METTL4: variants seen among roughly 807,000 people sequenced by gnomAD.
METTL4 encodes N(6)-adenine-specific methyltransferase METTL4.
In METTL4, 40 loss-of-function variants were observed where a neutral mutation model predicts 54.0. That is an observed-to-expected ratio of 0.74 (90% CI 0.58 to 0.96). METTL4 has a LOEUF of 0.96. METTL4 is among the 50% of genes least tolerant of loss of function. The pLI is 0.00. For synonymous variants in METTL4, 169 were observed against 183.8 expected (o/e 0.92, Z 0.65); for missense variants, 525 against 549.0 (o/e 0.96, Z 0.44).
At chr18:2,543,445 A>T (rs2072024108) in intron 8 of METTL4, among the ~76,000 whole-genome samples, 1 of 152,196 alleles carries the variant, frequency 6.6e-6, no homozygotes, top group South Asian at 2.1e-4. Context: ...GACTTGAAAA[A>T]TTTAGCATTC....
rs185084787 is a variant in METTL4, at chr18:2,549,423, G to A, written c.900-1894C>T. Among the ~76,000 whole-genome samples the A allele has an allele frequency of 1.9e-3, 284 of 152,240 alleles. 2 individuals are homozygous for A. The highest frequency in any genetic ancestry group is 6.6e-3 in the African/African-American group (274 of 41,532). On this transcript the variant is annotated intron_variant, in intron 5 of 8. Coordinates refer to ENST00000574538, the MANE Select transcript of METTL4 (RefSeq NM_022840.5). ...AGGAGAGGAAAAGGTGTGGAGGGGA[G>A]GAGAGGAGAAAGAAGAGGACAGAGA...
chr18:2,554,534 G>T, intron 4 of METTL4, 135 bp downstream of exon 4: 1 of 762,380 alleles, frequency 1.3e-6, no homozygotes, highest in Non-Finnish European at 2.1e-6. Context: ...AAACCTAAGA[G>T]ACAAATAACC....
chr18:2,564,168 C>A lies in METTL4; in HGVS notation c.397-309G>T, dbSNP rs143725886. Among the ~76,000 whole-genome samples the A allele has an allele frequency of 9.3e-3, 1,413 of 152,078 alleles. 28 individuals are homozygous for A. The highest frequency in any genetic ancestry group is 0.032 in the African/African-American group (1,333 of 41,494). On this transcript the variant is annotated intron_variant, in intron 2 of 8. Coordinates refer to ENST00000574538, the MANE Select transcript of METTL4 (RefSeq NM_022840.5). ...CCTGTAATCCCAGCACTTTGGGAGGCCAAGGCGGGAGGATCACGAGGTCAG... is the reference window on the plus strand; with the variant it reads ...CCTGTAATCCCAGCACTTTGGGAGGACAAGGCGGGAGGATCACGAGGTCAG...
chr18:2,559,513 CTGAA>C (rs1187809784), intron 3 of METTL4, among the ~76,000 whole-genome samples: 1 of 152,032 alleles, frequency 6.6e-6, no homozygotes, highest in Non-Finnish European at 1.5e-5. Context: ...GCATGACACT[CTGAA>C]TGTACTTAGT....
At chr18:2,550,833 C>T (rs2072143028) in intron 5 of METTL4, among the ~76,000 whole-genome samples, 1 of 152,118 alleles carries the variant, frequency 6.6e-6, no homozygotes. Flanking sequence ...TCAGTGTAGC[C>T]TGAATAATGT....
intron 4 of METTL4, chr18:2,554,411 G>A (rs976427000): frequency 1.9e-5 from 7 of 359,664 alleles, no homozygotes; most frequent in African/African-American, 6.5e-5. Context: ...ACTGCATACC[G>A]AATTCCTAAG....
At position 2,555,955 on chromosome 18, in the gene METTL4, G is replaced by A. The variant is rs544686647; in HGVS notation, c.460-917C>T. On this transcript the variant is annotated intron_variant, in intron 3 of 8. Coordinates refer to ENST00000574538, the MANE Select transcript of METTL4 (RefSeq NM_022840.5). ...CTTACTGCCTTCAGAAAGTTCCCAG[G>A]CACAGGGAAGACACATGCAGAGTCC... Among the ~76,000 whole-genome samples the A allele has an allele frequency of 6.3e-4, 96 of 152,210 alleles. 1 individual carries two copies. The highest frequency in any genetic ancestry group is 5.6e-3 in the South Asian group (27 of 4,820).
chr18:2,547,590 G>C, intron 5 of METTL4, 61 bp from the exon 6 acceptor site: 1 of 1,328,270 alleles, frequency 7.5e-7, no homozygotes, highest in Non-Finnish European at 1.0e-6. Flanking sequence ...AACTAAGCAG[G>C]GATAAGACAT....
intron 8 of METTL4, among the ~76,000 whole-genome samples, chr18:2,542,280 T>C (rs1041122128): frequency 1.3e-5 from 2 of 151,846 alleles, no homozygotes; most frequent in Admixed American, 6.6e-5. Context: ...TATGTATACA[T>C]GTGCCATGCT....
At chr18:2,559,963 C>A (rs1484704061) in intron 3 of METTL4, among the ~76,000 whole-genome samples, 1 of 152,116 alleles carries the variant, frequency 6.6e-6, no homozygotes, top group African/African-American at 2.4e-5. Flanking sequence ...GTCTCCAATT[C>A]CTAACATCAA....
chr18:2,547,001 G>A (rs578240655), intron 6 of METTL4, among the ~76,000 whole-genome samples: 4 of 152,220 alleles, frequency 2.6e-5, no homozygotes, highest in African/African-American at 9.6e-5. Context: ...TATATAAAGG[G>A]AAGAAGATGA....
chr18:2,539,189 G>A lies in METTL4; in HGVS notation c.1274-44C>T, dbSNP rs578188011. 4.1e-6 allele frequency: 6 copies of A among 1,480,816 alleles called. 1 individual carries two copies. The highest frequency in any genetic ancestry group is 2.3e-5 in the South Asian group (2 of 86,040). The allele number at this position is 1,480,816 out of a possible 1,614,324, so 91.7% of individuals were successfully genotyped here. Reference sequence around the variant, plus strand: ...AAACACAAAAATTATTATTGAGGAAGGAATCCACTTCCTTTTAGCAGTTAA... The same window carrying A: ...AAACACAAAAATTATTATTGAGGAAAGAATCCACTTCCTTTTAGCAGTTAA... On this transcript the variant is annotated intron_variant, in intron 8 of 8. Coordinates refer to ENST00000574538, the MANE Select transcript of METTL4 (RefSeq NM_022840.5).
intron 8 of METTL4, chr18:2,540,408 T>G (rs2071977689): frequency 6.1e-6 from 6 of 982,044 alleles, no homozygotes; most frequent in Non-Finnish European, 7.3e-6. Flanking sequence ...TCTTTAGGAA[T>G]ACTAGAGACA....
At chr18:2,548,260 T>C (rs1227355245) in intron 5 of METTL4, among the ~76,000 whole-genome samples, 1 of 152,136 alleles carries the variant, frequency 6.6e-6, no homozygotes, top group Non-Finnish European at 1.5e-5. Flanking sequence ...TGCTCTACAA[T>C]ACTCAATCAA....
At chr18:2,540,389 G>C (rs1411333442) in intron 8 of METTL4, 2 of 979,736 alleles carry the variant, frequency 2.0e-6, no homozygotes, top group Non-Finnish European at 2.4e-6. Flanking sequence ...ATTTAGGAAT[G>C]ATAAGGGTTC....
chr18:2,539,168 A>C, intron 8 of METTL4, 23 bp from the exon 9 acceptor site: 1 of 1,585,090 alleles, frequency 6.3e-7, no homozygotes, highest in African/African-American at 1.4e-5. Context: ...GAGAAAAAAC[A>C]CAAAAATTAT....
rs533347646 is a variant in METTL4 at position 2,552,850 on chromosome 18, T to C, written c.830-86A>G. On this transcript the variant is annotated intron_variant, in intron 4 of 8. Transcript: ENST00000574538. ...ACATGTTCTTCAAAACTCAAGTGAT[T>C]TCACTACGGACACGAATATAATGGA... The C allele has an allele frequency of 4.1e-4, 334 of 812,822 alleles. 5 individuals are homozygous for C. The South Asian group carries it at 5.0e-3, about 12-fold the overall frequency. 50.4% of individuals were successfully genotyped at this position (812,822 alleles called of 1,614,324 possible).
Position 2,552,738 on chromosome 18 carries a change from T to C in METTL4, c.856A>G (p.Ile286Val), listed in dbSNP as rs377459768. Residue 286 changes from isoleucine (I) to valine (V), a missense_variant, in exon 5 of 9, where the codon ATA becomes GTA. Ile to Val is a conservative substitution (Grantham distance 29, BLOSUM62 3). Coordinates refer to ENST00000574538, the MANE Select transcript of METTL4 (RefSeq NM_022840.5). ...GATTTGTTCTGCCATGGTGGATCTATCACAATTACATCAAATGTTTTCCTA... is the reference window on the plus strand; with the variant it reads ...GATTTGTTCTGCCATGGTGGATCTACCACAATTACATCAAATGTTTTCCTA... ...NYRKTFDVIVIDPPWQNKSVK... is the reference protein window; with the variant it reads ...NYRKTFDVIVVDPPWQNKSVK... 4 of 1,611,164 alleles carry C rather than the reference T, an allele frequency of 2.5e-6. No individual in the cohort carries two copies. Among genetic ancestry groups the C allele is most frequent in the Non-Finnish European group, 3.4e-6 (4 of 1,178,550 alleles).
chr18:2,555,482 C>T (rs929206413), intron 3 of METTL4: 2 of 157,642 alleles, frequency 1.3e-5, no homozygotes, highest in Non-Finnish European at 2.8e-5. Flanking sequence ...TAGCATATTA[C>T]TCCTATATAA....
Sources: gnomAD v4.1 joint callset for allele counts (sites outside exome capture counted in the v4.1 genomes callset) on GRCh38, gnomAD v4.1.1 for gene constraint, MANE v1.5 for transcripts, NCBI Gene and HGNC (gene_info 2026-07-23, HGNC 2026-07-21) for gene names.